MNAT1: variants seen among roughly 807,000 people sequenced by gnomAD.
The protein encoded by MNAT1 is CDK-activating kinase assembly factor MAT1.
Under a neutral mutation model 42.0 loss-of-function variants are expected in MNAT1, and 43 were observed. That is an observed-to-expected ratio of 1.02 (90% CI 0.80 to 1.32). The LOEUF (loss-of-function observed/expected upper bound fraction) is 1.32, where lower values mean the gene tolerates loss of function less well. MNAT1 is among the 40% of genes most tolerant of loss of function. MNAT1 has a pLI of 0.00. For synonymous variants in MNAT1, 118 were observed against 120.0 expected, an observed-to-expected ratio of 0.98 and a Z score of 0.11; for missense variants, 306 against 350.4, an observed-to-expected ratio of 0.87 and a Z score of 1.01.
chr14:60,865,002 G>GT (rs1566801266), intron 6 of MNAT1, among the ~76,000 whole-genome samples: 1 of 151,818 alleles, frequency 6.6e-6, no homozygotes, highest in Admixed American at 6.6e-5. Context: ...TGTTATGTAG[G>GT]TTTTTTTGGA....
intron 6 of MNAT1, among the ~76,000 whole-genome samples, chr14:60,865,111 G>A (rs370606557): frequency 1.3e-5 from 2 of 152,108 alleles, no homozygotes; most frequent in African/African-American, 4.8e-5. Context: ...GCACAGAAGA[G>A]TCAAATCTAA....
chr14:60,761,186 G>C (rs1439809567), intron 1 of MNAT1, among the ~76,000 whole-genome samples: 1 of 151,520 alleles, frequency 6.6e-6, no homozygotes, highest in Non-Finnish European at 1.5e-5. Context: ...ACTTTTTTTT[G>C]CCCACAGACT....
chr14:60,783,190 A>ACACT lies in MNAT1; in HGVS notation c.90-13027_90-13026insCACT, dbSNP rs1217254017. On this transcript the variant is annotated intron_variant, in intron 1 of 7. Transcript: ENST00000261245. ...TTTGAATACTCCAGAACCACAGATA[A>ACACT]ATAACACTATGAGATCTCCTGGTTC... is the stretch of plus-strand genomic sequence containing the variant. Among the ~76,000 whole-genome samples, 14 of 152,294 alleles carry ACACT rather than the reference A, an allele frequency of 9.2e-5. No homozygotes were observed. The South Asian group carries it at 2.9e-3, about 32-fold the overall frequency.
At chr14:60,851,078 A>G (rs4151255) in intron 6 of MNAT1, among the ~76,000 whole-genome samples, 211 of 152,344 alleles carry the variant, frequency 1.4e-3, no homozygotes, top group African/African-American at 4.7e-3. Context: ...GGGAATTTCT[A>G]TTAAGCAGAT....
intron 7 of MNAT1, among the ~76,000 whole-genome samples, chr14:60,901,013 C>CAAAAAAAAA (rs56345746): frequency 2.7e-5 from 1 of 36,576 alleles, no homozygotes; most frequent in African/African-American, 1.2e-4. Context: ...GAGCCTGTCT[C>CAAAAAAAAA]AAAAAAAAAA....
intron 1 of MNAT1, among the ~76,000 whole-genome samples, chr14:60,746,577 T>C (rs528985848): frequency 6.6e-6 from 1 of 151,546 alleles, no homozygotes; most frequent in East Asian, 1.9e-4. Flanking sequence ...CTTGCAACAT[T>C]AATAAAACTA....
chr14:60,798,407 G>A (rs2032089946), intron 3 of MNAT1, among the ~76,000 whole-genome samples: 2 of 152,120 alleles, frequency 1.3e-5, no homozygotes, highest in East Asian at 1.9e-4. Context: ...CTTCATAGCT[G>A]GGGAGGAAGA....
At chr14:60,826,831 A>G (rs1184693126) in intron 6 of MNAT1, among the ~76,000 whole-genome samples, 2 of 152,070 alleles carry the variant, frequency 1.3e-5, no homozygotes, top group Non-Finnish European at 2.9e-5. Context: ...TATGGTTACT[A>G]TTCTTCATTA....
chr14:60,835,144 C>T (rs2033354915), intron 6 of MNAT1, among the ~76,000 whole-genome samples: 1 of 151,858 alleles, frequency 6.6e-6, no homozygotes, highest in Admixed American at 6.6e-5. Context: ...CTGTGTGTTT[C>T]TTTGCACGTG....
chr14:60,816,267 T>G (rs983009550), intron 5 of MNAT1, among the ~76,000 whole-genome samples: 1 of 152,142 alleles, frequency 6.6e-6, no homozygotes, highest in Non-Finnish European at 1.5e-5. Context: ...GGCTTAGTAT[T>G]TGCAGTAATG....
chr14:60,757,404 C>T (rs948966833), intron 1 of MNAT1, among the ~76,000 whole-genome samples: 1 of 152,114 alleles, frequency 6.6e-6, no homozygotes, highest in Non-Finnish European at 1.5e-5. Context: ...TGTCCACACA[C>T]ACCCACACAC....
intron 7 of MNAT1, among the ~76,000 whole-genome samples, chr14:60,959,606 GT>G: frequency 6.6e-6 from 1 of 152,164 alleles, no homozygotes; most frequent in Non-Finnish European, 1.5e-5. Context: ...AGAATGAACT[GT>G]TTCTTTCTTT....
intron 6 of MNAT1, among the ~76,000 whole-genome samples, chr14:60,833,596 A>AT (rs2033287255): frequency 6.6e-6 from 1 of 151,990 alleles, no homozygotes; most frequent in Non-Finnish European, 1.5e-5. Context: ...TTTATTGAGA[A>AT]TTTTTGCATC....
chr14:60,956,288 A>T (rs1467987518), intron 7 of MNAT1, among the ~76,000 whole-genome samples: 3 of 152,068 alleles, frequency 2.0e-5, no homozygotes, highest in Non-Finnish European at 4.4e-5. Context: ...TGTGTTGTTT[A>T]ATTTCCACGT....
chr14:60,763,583 C>T (rs1056587974), intron 1 of MNAT1, among the ~76,000 whole-genome samples: 11 of 152,106 alleles, frequency 7.2e-5, no homozygotes, highest in Non-Finnish European at 1.5e-4. Context: ...AATTTTCACT[C>T]GGTTAAATCC....
intron 7 of MNAT1, among the ~76,000 whole-genome samples, chr14:60,905,010 T>C (rs1191052028): frequency 2.8e-5 from 2 of 71,294 alleles, no homozygotes; most frequent in African/African-American, 4.8e-5. Context: ...AGTCTCGCTC[T>C]GTTGCCCAGG....
rs2036727345 is a variant in MNAT1, at chr14:60,968,616, ATG to A, written c.*271_*272del. On this transcript the variant is annotated 3_prime_UTR_variant, in exon 8 of 8. Coordinates refer to ENST00000261245, the MANE Select transcript of MNAT1 (RefSeq NM_002431.4). The stretch of plus-strand genomic sequence containing the variant: ...AGAGAGGAATAAATAATTCACCTAT[ATG>A]TGTTTGAGGTTGTGACAGACTTATA... The A allele has an allele frequency of 3.2e-6, 3 of 933,994 alleles. No homozygotes were observed. The African/African-American group carries it at 5.1e-5, about 16-fold the overall frequency. 57.9% of individuals were successfully genotyped at this position (933,994 alleles called of 1,614,324 possible).
In MNAT1 at chr14:60,771,445, C is replaced by T. The variant is rs577228634; in HGVS notation, c.90-24772C>T. Among the ~76,000 whole-genome samples the T allele has an allele frequency of 5.3e-4, 80 of 152,260 alleles. No homozygotes were observed. In the South Asian group the frequency reaches 0.011, roughly 22 times the overall value. On this transcript the variant is annotated intron_variant, in intron 1 of 7. Transcript: ENST00000261245. ...GGTAGTGGCTCATACATTAGTTTGC[C>T]TGCTTTTGCCTTTGTCCCTATAGTC... is the stretch of plus-strand genomic sequence containing the variant.
At chr14:60,845,361 A>C (rs1566791492) in intron 6 of MNAT1, among the ~76,000 whole-genome samples, 1 of 151,938 alleles carries the variant, frequency 6.6e-6, no homozygotes, top group East Asian at 1.9e-4. Flanking sequence ...TTTCATCTAA[A>C]GTGTATTTGT....
Sources: gnomAD v4.1 joint callset for allele counts (sites outside exome capture counted in the v4.1 genomes callset) on GRCh38, gnomAD v4.1.1 for gene constraint, MANE v1.5 for transcripts, NCBI Gene and HGNC (gene_info 2026-07-23, HGNC 2026-07-21) for gene names.